Variants in CEP192 observed in about 807,000 individuals in gnomAD.
CEP192 encodes centrosomal protein of 192 kDa.
A neutral mutation model predicts 271.8 loss-of-function variants in CEP192; 151 were observed. The observed-to-expected ratio is 0.56, with a 90% confidence interval of 0.49 to 0.64. The LOEUF (loss-of-function observed/expected upper bound fraction) is 0.64, where lower values mean the gene tolerates loss of function less well. CEP192 is among the 30% of genes least tolerant of loss of function. The pLI is 0.00. For synonymous variants in CEP192, 995 were observed against 1,076.5 expected (o/e 0.92, Z 1.48); for missense variants, 2,910 against 3,020.5 (o/e 0.96, Z 0.86).
At chr18:13,043,712 T>A (rs1284370241) in intron 15 of CEP192, among the ~76,000 whole-genome samples, 1 of 152,212 alleles carries the variant, frequency 6.6e-6, no homozygotes, top group African/African-American at 2.4e-5. Context: ...GCAGTAAAAT[T>A]GACATCTTTA....
chr18:13,099,001 A>C (rs962589066), intron 36 of CEP192, among the ~76,000 whole-genome samples: 15 of 152,100 alleles, frequency 9.9e-5, no homozygotes, highest in African/African-American at 3.6e-4. Context: ...AACACAGCGA[A>C]ACCCCGTCTC....
At chr18:13,058,046 T>C (rs1231231658) in intron 20 of CEP192, 1 of 168,478 alleles carries the variant, frequency 5.9e-6, no homozygotes, top group Non-Finnish European at 1.3e-5. Flanking sequence ...GTCAGTTTTG[T>C]TAAAGGTGAT....
intron 2 of CEP192, among the ~76,000 whole-genome samples, chr18:13,000,984 A>G (rs1277483515): frequency 6.6e-6 from 1 of 152,104 alleles, no homozygotes; most frequent in Admixed American, 6.5e-5. Flanking sequence ...ACCAGCTTTT[A>G]TTTTCTTTAC....
At chr18:13,091,165 A>G (rs183196184) in intron 33 of CEP192, among the ~76,000 whole-genome samples, 1 of 152,332 alleles carries the variant, frequency 6.6e-6, no homozygotes, top group East Asian at 1.9e-4. Context: ...TTGAAGAAAG[A>G]GGAGGAGTTG....
intron 15 of CEP192, among the ~76,000 whole-genome samples, chr18:13,045,819 T>C (rs2143902882): frequency 6.6e-6 from 1 of 152,362 alleles, no homozygotes; most frequent in African/African-American, 2.4e-5. Flanking sequence ...TGTGTAGTAA[T>C]GCTTTTTTCC....
intron 11 of CEP192, among the ~76,000 whole-genome samples, chr18:13,035,326 A>C (rs2035859168): frequency 6.6e-6 from 1 of 152,260 alleles, no homozygotes; most frequent in South Asian, 2.1e-4. Context: ...GGGAACAAAA[A>C]GAGGTTTGCT....
At chr18:13,052,865 G>T in intron 17 of CEP192, 54 bp from the exon 18 acceptor site, 1 of 1,392,574 alleles carries the variant, frequency 7.2e-7, no homozygotes, top group Admixed American at 2.3e-5. Flanking sequence ...TTTTGCTAAT[G>T]TAGATAGTTG....
chr18:13,122,131 T>C (rs1188683505), intron 44 of CEP192, among the ~76,000 whole-genome samples: 1 of 152,006 alleles, frequency 6.6e-6, no homozygotes, highest in Non-Finnish European at 1.5e-5. Context: ...CTACTAAAAA[T>C]GCAAAAAGCA....
intron 5 of CEP192, among the ~76,000 whole-genome samples, chr18:13,014,159 A>C (rs1422978483): frequency 6.6e-6 from 1 of 152,192 alleles, no homozygotes; most frequent in African/African-American, 2.4e-5. Context: ...CCTGTATGTG[A>C]CCCCTAGTAA....
At chr18:13,085,942 A>C (rs897250650) in intron 30 of CEP192, among the ~76,000 whole-genome samples, 2 of 152,086 alleles carry the variant, frequency 1.3e-5, no homozygotes, top group Non-Finnish European at 1.5e-5. Context: ...AAGAAAGTCA[A>C]TGGTAGCTTG....
intron 43 of CEP192, among the ~76,000 whole-genome samples, chr18:13,116,834 T>A (rs1321883808): frequency 6.6e-6 from 1 of 152,116 alleles, no homozygotes; most frequent in Non-Finnish European, 1.5e-5. Flanking sequence ...TAGTCTTGAT[T>A]TCCTGACCTC....
At chr18:13,121,829 T>A (rs373219124) in intron 44 of CEP192, among the ~76,000 whole-genome samples, 1 of 152,174 alleles carries the variant, frequency 6.6e-6, no homozygotes, top group South Asian at 2.1e-4. Flanking sequence ...GAAGGACAGT[T>A]CCTAGAAAAG....
chr18:12,993,540 A>T (rs1220087619), intron 1 of CEP192, among the ~76,000 whole-genome samples: 1 of 152,202 alleles, frequency 6.6e-6, no homozygotes, highest in Non-Finnish European at 1.5e-5. Flanking sequence ...GGCTATTCAC[A>T]TGCATGGTCA....
chr18:13,093,982 C>T (rs925227987), intron 34 of CEP192, among the ~76,000 whole-genome samples: 1 of 152,220 alleles, frequency 6.6e-6, no homozygotes, highest in Admixed American at 6.5e-5. Context: ...ATTGCTAACT[C>T]TTTCTTACCA....
At chr18:13,098,772 C>CGGGGTGGCGGCCGGGCAGAGGCT (rs1568415647) in intron 36 of CEP192, among the ~76,000 whole-genome samples, 1 of 150,552 alleles carries the variant, frequency 6.6e-6, no homozygotes, top group Non-Finnish European at 1.5e-5. Context: ...ACTTCCCAGA[C>CGGGGTGGCGGCCGGGCAGAGGCT]GGGGTGGCGG....
At chr18:13,011,341 G>A (rs369190608) in intron 4 of CEP192, among the ~76,000 whole-genome samples, 1 of 152,044 alleles carries the variant, frequency 6.6e-6, no homozygotes, top group African/African-American at 2.4e-5. Context: ...TGAGGATATG[G>A]AGAAATTGAA....
At chr18:13,054,836 G>A (rs1034826681) in intron 18 of CEP192, among the ~76,000 whole-genome samples, 6 of 152,142 alleles carry the variant, frequency 3.9e-5, no homozygotes, top group Non-Finnish European at 8.8e-5. Flanking sequence ...AATTTCAGCT[G>A]GTCCATCCTG....
At chr18:13,102,912 G>A (rs1244461090) in intron 38 of CEP192, among the ~76,000 whole-genome samples, 1 of 152,190 alleles carries the variant, frequency 6.6e-6, no homozygotes, top group Non-Finnish European at 1.5e-5. Context: ...CATCTCATGG[G>A]CACATCAGAT....
At chr18:13,022,442 A>G (rs1046027572) in intron 9 of CEP192, among the ~76,000 whole-genome samples, 3 of 151,982 alleles carry the variant, frequency 2.0e-5, no homozygotes, top group Admixed American at 1.3e-4. Flanking sequence ...GTGCAGTAAC[A>G]TGATTTTGGC....
Sources: gnomAD v4.1 joint callset for allele counts (sites outside exome capture counted in the v4.1 genomes callset) on GRCh38, gnomAD v4.1.1 for gene constraint, MANE v1.5 for transcripts, NCBI Gene and HGNC (gene_info 2026-07-23, HGNC 2026-07-21) for gene names.